GCNT1: variants seen among roughly 807,000 people sequenced by gnomAD.
GCNT1 encodes glucosaminyl (N-acetyl) transferase 1, also known as beta-1,3-galactosyl-O-glycosyl-glycoprotein beta-1,6-N-acetylglucosaminyltransferase.
In GCNT1, 16 loss-of-function variants were observed where a neutral mutation model predicts 26.2. That is an observed-to-expected ratio of 0.61 (90% CI 0.41 to 0.93). GCNT1 has a LOEUF of 0.93. Among genes scored for constraint, GCNT1 ranks in the 40% least tolerant of loss-of-function variants. The pLI is 0.00. For synonymous variants in GCNT1, 183 were observed against 190.8 expected, an observed-to-expected ratio of 0.96 and a Z score of 0.34; for missense variants, 477 against 526.7, an observed-to-expected ratio of 0.91 and a Z score of 0.92.
chr9:76,451,881 T>C (rs1388224600), intron 1 of GCNT1, among the ~76,000 whole-genome samples: 1 of 152,134 alleles, frequency 6.6e-6, no homozygotes, highest in Non-Finnish European at 1.5e-5. Context: ...TAAGGTTATA[T>C]ATCTTGTGAC....
intron 1 of GCNT1, among the ~76,000 whole-genome samples, chr9:76,452,958 G>T (rs1318792433): frequency 6.6e-6 from 1 of 152,162 alleles, no homozygotes; most frequent in African/African-American, 2.4e-5. Context: ...TGGAATAAAA[G>T]GTTACCTCAC....
At chr9:76,444,567 T>C (rs1823544515) in intron 1 of GCNT1, among the ~76,000 whole-genome samples, 1 of 152,176 alleles carries the variant, frequency 6.6e-6, no homozygotes, top group African/African-American at 2.4e-5. Flanking sequence ...TTTAGATAAA[T>C]GTCTGCTGGA....
At chr9:76,491,459 G>A (rs1250837394) in intron 2 of GCNT1, among the ~76,000 whole-genome samples, 2 of 152,170 alleles carry the variant, frequency 1.3e-5, no homozygotes, top group Non-Finnish European at 2.9e-5. Context: ...ATTGCAGCAT[G>A]GGCATGTAGG....
chr9:76,398,152 A>G, the GCNT1 span, among the ~76,000 whole-genome samples: 8 of 152,244 alleles, frequency 5.3e-5, no homozygotes, highest in African/African-American at 1.9e-4. Context: ...AGGATCACAA[A>G]TAAGACTAAA....
intron 1 of GCNT1, chr9:76,442,424 T>A (rs1451611222): frequency 6.6e-6 from 1 of 152,372 alleles, no homozygotes; most frequent in Non-Finnish European, 1.5e-5. Flanking sequence ...CTCATGCCTG[T>A]AATCCAAGCA....
At chr9:76,459,406 T>A (rs1434940218) in intron 1 of GCNT1, 101 bp downstream of exon 1, 3 of 152,178 alleles carry the variant, frequency 2.0e-5, no homozygotes, top group Non-Finnish European at 4.4e-5. Flanking sequence ...CAGTGCCCCG[T>A]GGCCCCGGGC....
chr9:76,440,235 C>T (rs1408696651), upstream of GCNT1, among the ~76,000 whole-genome samples: 1 of 152,120 alleles, frequency 6.6e-6, no homozygotes, highest in Non-Finnish European at 1.5e-5. Flanking sequence ...GAATTTTCTT[C>T]TAAGAGCAGT....
At chr9:76,495,983 A>C (rs2131636959) in intron 2 of GCNT1, among the ~76,000 whole-genome samples, 1 of 152,286 alleles carries the variant, frequency 6.6e-6, no homozygotes, top group South Asian at 2.1e-4. Flanking sequence ...TCCCAGTTTA[A>C]GCAAGATATT....
At chr9:76,496,328 C>T (rs577945507) in intron 2 of GCNT1, among the ~76,000 whole-genome samples, 108 of 152,334 alleles carry the variant, frequency 7.1e-4, no homozygotes, top group Non-Finnish European at 1.2e-3. Context: ...TCTCCGCATC[C>T]CCCCTTCAGA....
At chr9:76,491,045 C>T (rs1476762578) in intron 2 of GCNT1, among the ~76,000 whole-genome samples, 3 of 152,172 alleles carry the variant, frequency 2.0e-5, no homozygotes, top group African/African-American at 7.2e-5. Flanking sequence ...TTTAATTTAC[C>T]CTGGCTTTTA....
Position 76,443,930 on chromosome 9 carries a change from A to AAAGGAAGG in GCNT1, c.-290+1671_-290+1678dup, listed in dbSNP as rs201262371. On this transcript the variant is annotated intron_variant, in intron 1 of 2. Coordinates refer to the GCNT1 transcript ENST00000442371. ...GAAAGGAAGAAAGGAAGAAAGGAAG[A>AAAGGAAGG]AAGGAAGGAAGGAAGGAAGGAAGGA... is the stretch of plus-strand genomic sequence containing the variant. 5.5e-3 allele frequency among the ~76,000 whole-genome samples: 430 copies of AAAGGAAGG among 77,948 alleles called. 6 individuals are homozygous for AAAGGAAGG. The highest frequency in any genetic ancestry group is 7.6e-3 in the Admixed American group (61 of 8,072). 51.1% of individuals were successfully genotyped at this position (77,948 alleles called of 152,430 possible). A position where few individuals can be genotyped will look rare whatever the true frequency, so the allele number is the denominator to read the frequency against.
chr9:76,399,443 T>C, the GCNT1 span: 16 of 1,551,756 alleles, frequency 1.0e-5, no homozygotes, highest in Non-Finnish European at 1.4e-5. Context: ...TGCAGACTGG[T>C]CTGAAGGTGT....
At chr9:76,473,046 G>GTCTGTCTTTA in intron 2 of GCNT1, among the ~76,000 whole-genome samples, 1 of 152,164 alleles carries the variant, frequency 6.6e-6, no homozygotes, top group South Asian at 2.1e-4. Flanking sequence ...ACTGTGCCCT[G>GTCTGTCTTTA]CGACACTTGT....
chr9:76,421,933 C>G (rs1823202165), intron 1 of GCNT1, among the ~76,000 whole-genome samples: 1 of 151,900 alleles, frequency 6.6e-6, no homozygotes, highest in Non-Finnish European at 1.5e-5. Context: ...GAAGAAATAT[C>G]CAGGACTGGG....
intron 1 of GCNT1, among the ~76,000 whole-genome samples, chr9:76,430,692 CTT>C (rs201310451): frequency 6.6e-6 from 1 of 150,970 alleles, no homozygotes; most frequent in African/African-American, 2.4e-5. Flanking sequence ...GGTTAGTCCT[CTT>C]TTTTTTTGAG....
chr9:76,407,344 G>C, the GCNT1 span, among the ~76,000 whole-genome samples: 13 of 151,840 alleles, frequency 8.6e-5, no homozygotes, highest in African/African-American at 2.9e-4. Flanking sequence ...TAGATGTCCA[G>C]TTGTTCCAGC....
At chr9:76,481,921 A>T (rs937873651) in intron 2 of GCNT1, among the ~76,000 whole-genome samples, 1 of 152,182 alleles carries the variant, frequency 6.6e-6, no homozygotes, top group African/African-American at 2.4e-5. Context: ...AACTACAAAC[A>T]GTGGGTTGCA....
chr9:76,460,619 A>T (rs996499826), intron 2 of GCNT1, among the ~76,000 whole-genome samples: 1 of 152,170 alleles, frequency 6.6e-6, no homozygotes, highest in South Asian at 2.1e-4. Flanking sequence ...GAAAACTCAG[A>T]CTGTGTAGAT....
At chr9:76,498,457 A>G (rs1420846604) in intron 2 of GCNT1, among the ~76,000 whole-genome samples, 1 of 152,080 alleles carries the variant, frequency 6.6e-6, no homozygotes, top group African/African-American at 2.4e-5. Flanking sequence ...GATGGTTCCA[A>G]TTTGTCCACT....
Sources: allele counts gnomAD v4.1 joint callset (sites outside exome capture counted in the v4.1 genomes callset), GRCh38; gene constraint gnomAD v4.1.1; transcripts MANE v1.5; gene names NCBI Gene and HGNC (gene_info 2026-07-23, HGNC 2026-07-21).